Variants in TAAR5 observed in about 807,000 individuals in gnomAD.
TAAR5 encodes trace amine-associated receptor 5.
A neutral mutation model predicts 21.1 loss-of-function variants in TAAR5; 27 were observed. The ratio of observed to expected loss-of-function variants is 1.28; its 90% CI spans 0.94 to 1.76. TAAR5 has a LOEUF of 1.76. Among genes scored for constraint, TAAR5 ranks in the 40% most tolerant of loss-of-function variants. TAAR5 has a pLI of 0.00. For synonymous variants in TAAR5, 203 were observed against 167.5 expected, an observed-to-expected ratio of 1.21 and a Z score of -1.64; for missense variants, 495 against 405.6, an observed-to-expected ratio of 1.22 and a Z score of -1.89.
chr6:132,593,673 A>G (rs140844107), upstream of TAAR5, among the ~76,000 whole-genome samples: 2 of 152,334 alleles, frequency 1.3e-5, 1 homozygote, highest in East Asian at 3.9e-4. Flanking sequence ...CACACATGAA[A>G]GACATGGACG....
At chr6:132,595,220 G>A in the TAAR5 span, 1 of 153,684 alleles carries the variant, frequency 6.5e-6, no homozygotes, top group Admixed American at 6.5e-5. Flanking sequence ...GCCATGGAGA[G>A]GATCAAGAAG....
chr6:132,605,170 G>A, the TAAR5 span, among the ~76,000 whole-genome samples: 33 of 152,358 alleles, frequency 2.2e-4, no homozygotes, highest in East Asian at 1.4e-3. Context: ...CAGACTGGGC[G>A]GAGAGGGCTT....
chr6:132,594,156 A>G (rs956811846), upstream of TAAR5, among the ~76,000 whole-genome samples: 2 of 152,226 alleles, frequency 1.3e-5, no homozygotes, highest in Non-Finnish European at 2.9e-5. Context: ...CTCAGGAGTC[A>G]GTAAGACTTG....
At chr6:132,595,969 T>C in the TAAR5 span, among the ~76,000 whole-genome samples, 1 of 152,208 alleles carries the variant, frequency 6.6e-6, no homozygotes, top group African/African-American at 2.4e-5. Flanking sequence ...TGACATACTA[T>C]TCGATTAAGG....
At chr6:132,602,107 A>C in the TAAR5 span, among the ~76,000 whole-genome samples, 1 of 151,972 alleles carries the variant, frequency 6.6e-6, no homozygotes, top group Admixed American at 6.6e-5. Context: ...AATTTAATTA[A>C]AACTTTATTT....
the TAAR5 span, among the ~76,000 whole-genome samples, chr6:132,600,344 G>GCCAGGT: frequency 6.6e-6 from 1 of 152,094 alleles, no homozygotes; most frequent in Non-Finnish European, 1.5e-5. Context: ...TAGGTATTTG[G>GCCAGGT]CCAGGTCCAG....
chr6:132,610,599 T>C, the TAAR5 span, among the ~76,000 whole-genome samples: 3 of 152,150 alleles, frequency 2.0e-5, no homozygotes, highest in Admixed American at 1.3e-4. Context: ...AGTCACCTCG[T>C]TGTGATAAAA....
At chr6:132,603,302 C>CAAAAAAAAAAA in the TAAR5 span, among the ~76,000 whole-genome samples, 1 of 99,260 alleles carries the variant, frequency 1.0e-5, no homozygotes, top group East Asian at 4.1e-4. Flanking sequence ...GACCCTATCT[C>CAAAAAAAAAAA]AAAAAAAAAA....
chr6:132,612,767 A>G, the TAAR5 span, among the ~76,000 whole-genome samples: 17 of 152,264 alleles, frequency 1.1e-4, no homozygotes, highest in African/African-American at 4.1e-4. Flanking sequence ...ATTTTCTTCC[A>G]GTTAAAACTC....
chr6:132,605,548 T>TA, the TAAR5 span, among the ~76,000 whole-genome samples: 1 of 152,180 alleles, frequency 6.6e-6, no homozygotes, highest in Admixed American at 6.6e-5. Context: ...GTCCCTGTAC[T>TA]GCTCCCTCCC....
the TAAR5 span, among the ~76,000 whole-genome samples, chr6:132,609,630 A>G: frequency 1.3e-3 from 203 of 152,298 alleles, no homozygotes; most frequent in African/African-American, 4.8e-3. Flanking sequence ...ATGTTTGGGC[A>G]ACTTTCACTT....
chr6:132,591,964 G>C (rs1289595257), upstream of TAAR5, among the ~76,000 whole-genome samples: 2 of 152,128 alleles, frequency 1.3e-5, no homozygotes, highest in East Asian at 3.9e-4. Flanking sequence ...AAGTTGAGTT[G>C]GGCAGACAAG....
Position 132,588,930 on chromosome 6 carries a change from T to G in TAAR5, c.757A>C (p.Thr253Pro), listed in dbSNP as rs1366619614. ...TATATGCCCACAGCAATGCCCAGGGTCTTGGCAGCTTTTCTCTCATGCTTG... is the reference window on the plus strand; with the variant it reads ...TATATGCCCACAGCAATGCCCAGGGGCTTGGCAGCTTTTCTCTCATGCTTG... ...AAKHERKAAK[T>P]LGIAVGIYLL... Residue 253 changes from threonine to proline, a missense_variant, in exon 1 of 1, where the codon ACC (threonine) becomes CCC (proline). By Grantham distance (38) the Thr-to-Pro change is conservative. Coordinates refer to ENST00000258034, the MANE Select transcript of TAAR5 (RefSeq NM_003967.3). The G allele has an allele frequency of 1.9e-6, 3 of 1,613,912 alleles. No individual in the cohort carries two copies. Among genetic ancestry groups the G allele is most frequent in the Non-Finnish European group, 2.5e-6 (3 of 1,179,996 alleles).
upstream of TAAR5, among the ~76,000 whole-genome samples, chr6:132,592,622 A>G (rs2114579254): frequency 6.6e-6 from 1 of 152,194 alleles, no homozygotes; most frequent in Middle Eastern, 3.4e-3. Context: ...TTTGATAGTG[A>G]ATGAGTTATC....
the TAAR5 span, chr6:132,608,090 T>C: frequency 2.4e-5 from 8 of 335,304 alleles, no homozygotes; most frequent in African/African-American, 1.3e-4. Context: ...AGATAGTGAA[T>C]GTACCTCTTG....
chr6:132,606,288 A>G, the TAAR5 span, among the ~76,000 whole-genome samples: 2 of 152,206 alleles, frequency 1.3e-5, no homozygotes, highest in Non-Finnish European at 2.9e-5. Context: ...TCCAAATTAA[A>G]TAAATAAATA....
In TAAR5 at chr6:132,588,892, C is replaced by A; in HGVS notation, c.795G>T (p.Trp265Cys). Residue 265 changes from tryptophan to cysteine, a missense_variant, in exon 1 of 1, where the codon TGG (tryptophan) becomes TGT (cysteine). Physicochemically the swap from Trp to Cys is radical, Grantham distance 215 (BLOSUM62 -2). Coordinates refer to ENST00000258034, the MANE Select transcript of TAAR5 (RefSeq NM_003967.3). ...GIAVGIYLLC[W>C]LPFTIDTMVD... ...CCATCGTGTCTATGGTGAAGGGCAG[C>A]CAGCACAAGAGGTATATGCCCACAG... The A allele has an allele frequency of 6.2e-7, 1 of 1,614,096 alleles. No individual in the cohort carries two copies. Among genetic ancestry groups the A allele is most frequent in the African/African-American group, 1.3e-5 (1 of 75,026 alleles).
the TAAR5 span, among the ~76,000 whole-genome samples, chr6:132,615,867 AC>A: frequency 7.5e-6 from 1 of 133,678 alleles, no homozygotes; most frequent in African/African-American, 3.1e-5. Context: ...ACAGTTCACT[AC>A]CATGTATAAA....
At chr6:132,601,577 C>T in the TAAR5 span, among the ~76,000 whole-genome samples, 1 of 152,148 alleles carries the variant, frequency 6.6e-6, no homozygotes, top group Non-Finnish European at 1.5e-5. Context: ...CTGATGCATT[C>T]TCATAAAGAA....
Sources: gnomAD v4.1 joint callset for allele counts (sites outside exome capture counted in the v4.1 genomes callset) on GRCh38, gnomAD v4.1.1 for gene constraint, MANE v1.5 for transcripts, NCBI Gene and HGNC (gene_info 2026-07-23, HGNC 2026-07-21) for gene names.